Variants in CDH13 observed in about 807,000 individuals in gnomAD.
CDH13 encodes the protein cadherin 13, also known as cadherin-13.
In CDH13, 24 loss-of-function variants were observed where a neutral mutation model predicts 63.8. The observed-to-expected ratio is 0.38, with a 90% CI of 0.27 to 0.53. The LOEUF (loss-of-function observed/expected upper bound fraction) is 0.53, where lower values mean the gene tolerates loss of function less well. CDH13 is among the 20% of genes least tolerant of loss of function. The pLI is 0.85. For synonymous variants in CDH13, 503 were observed against 355.3 expected (o/e 1.42, Z -4.67); for missense variants, 1,049 against 903.1 (o/e 1.16, Z -2.07).
intron 1 of CDH13, among the ~76,000 whole-genome samples, chr16:82,752,871 C>T (rs1473359139): frequency 6.6e-6 from 1 of 152,246 alleles, no homozygotes; most frequent in Middle Eastern, 3.4e-3. Context: ...GATGTGCAGC[C>T]GCACCCCATT....
chr16:82,716,250 C>A (rs117193763), intron 1 of CDH13, among the ~76,000 whole-genome samples: 1 of 152,048 alleles, frequency 6.6e-6, no homozygotes, highest in African/African-American at 2.4e-5. Flanking sequence ...TTTTCGGGAC[C>A]TTGGAGGACC....
chr16:83,712,107 A>C (rs1435099802), intron 10 of CDH13, among the ~76,000 whole-genome samples: 1 of 152,164 alleles, frequency 6.6e-6, no homozygotes, highest in African/African-American at 2.4e-5. Flanking sequence ...AGGGCCCACT[A>C]TAGTGATCTC....
At chr16:82,777,983 A>T (rs1250443516) in intron 1 of CDH13, among the ~76,000 whole-genome samples, 2 of 152,222 alleles carry the variant, frequency 1.3e-5, no homozygotes, top group Admixed American at 6.5e-5. Flanking sequence ...ACAGTTTTTG[A>T]TAACAGTCAT....
intron 1 of CDH13, among the ~76,000 whole-genome samples, chr16:82,704,048 A>G (rs2031278222): frequency 6.6e-6 from 1 of 152,200 alleles, no homozygotes; most frequent in South Asian, 2.1e-4. Flanking sequence ...CCAAATAAAA[A>G]AACCCATGAC....
chr16:83,303,541 T>C (rs1275317023), intron 5 of CDH13, among the ~76,000 whole-genome samples: 1 of 152,182 alleles, frequency 6.6e-6, no homozygotes, highest in Non-Finnish European at 1.5e-5. Flanking sequence ...ATTTCCAGGC[T>C]CTTTGTCATA....
At chr16:83,670,166 T>A (rs1424824854) in intron 8 of CDH13, among the ~76,000 whole-genome samples, 1 of 152,142 alleles carries the variant, frequency 6.6e-6, no homozygotes, top group Non-Finnish European at 1.5e-5. Context: ...AGGATGGGAT[T>A]GGTTTTCTTC....
chr16:83,291,305 A>C (rs1567568545), intron 5 of CDH13, among the ~76,000 whole-genome samples: 1 of 152,112 alleles, frequency 6.6e-6, no homozygotes, highest in East Asian at 1.9e-4. Flanking sequence ...AGGGGGTTCT[A>C]CTTCTTCATC....
intron 6 of CDH13, chr16:83,383,336 C>T (rs1054628842): frequency 1.3e-5 from 2 of 152,144 alleles, no homozygotes; most frequent in Non-Finnish European, 2.9e-5. Context: ...AGGTTTCCCC[C>T]CAAAAAAGTC....
chr16:83,720,769 A>G (rs1909587625), intron 10 of CDH13, among the ~76,000 whole-genome samples: 1 of 152,222 alleles, frequency 6.6e-6, no homozygotes, highest in Non-Finnish European at 1.5e-5. Context: ...AAATTGATGC[A>G]ATCCCAAACC....
At chr16:82,830,695 A>G (rs1225210295) in intron 1 of CDH13, among the ~76,000 whole-genome samples, 1 of 152,222 alleles carries the variant, frequency 6.6e-6, no homozygotes, top group Non-Finnish European at 1.5e-5. Flanking sequence ...TGTTTCTTCT[A>G]GCGCTTCATA....
chr16:83,520,419 C>T (rs369261159), intron 7 of CDH13, among the ~76,000 whole-genome samples: 1 of 152,138 alleles, frequency 6.6e-6, no homozygotes, highest in Non-Finnish European at 1.5e-5. Flanking sequence ...GGAATGTTCT[C>T]TCAGTCTGGG....
At chr16:83,184,164 G>A (rs1295148786) in intron 4 of CDH13, among the ~76,000 whole-genome samples, 16 of 137,498 alleles carry the variant, frequency 1.2e-4, no homozygotes, top group African/African-American at 3.5e-4. Flanking sequence ...AAAAAAGTCA[G>A]AACAATGAAT....
At chr16:82,628,675 C>G (rs1445096963) in intron 1 of CDH13, among the ~76,000 whole-genome samples, 1 of 152,108 alleles carries the variant, frequency 6.6e-6, no homozygotes, top group Non-Finnish European at 1.5e-5. Context: ...GTCCCTACAG[C>G]CTTGAGTCTT....
chr16:83,772,112 A>G (rs978621613), intron 11 of CDH13, among the ~76,000 whole-genome samples: 1 of 152,236 alleles, frequency 6.6e-6, no homozygotes, highest in African/African-American at 2.4e-5. Context: ...CTTAAATGAG[A>G]TGCCTATTAA....
intron 4 of CDH13, among the ~76,000 whole-genome samples, chr16:83,147,210 A>G (rs542752861): frequency 3.5e-4 from 54 of 152,278 alleles, no homozygotes; most frequent in African/African-American, 1.3e-3. Flanking sequence ...GACATCACCA[A>G]CTGTAGTCAA....
intron 1 of CDH13, among the ~76,000 whole-genome samples, chr16:82,835,686 C>T (rs1033782178): frequency 6.6e-6 from 1 of 152,178 alleles, no homozygotes; most frequent in Non-Finnish European, 1.5e-5. Flanking sequence ...GGCCTCCCTG[C>T]TCCTGTTCTC....
At chr16:83,314,661 A>G (rs1381607538) in intron 5 of CDH13, among the ~76,000 whole-genome samples, 1 of 152,196 alleles carries the variant, frequency 6.6e-6, no homozygotes, top group Non-Finnish European at 1.5e-5. Context: ...ACACAAGAAA[A>G]GAAAATGGCG....
At position 82,858,455 on chromosome 16, in the gene CDH13, G is replaced by T. The variant is rs780561395; in HGVS notation, c.139G>T (p.Asp47Tyr). The T allele has an allele frequency of 1.9e-6, 3 of 1,608,250 alleles. No individual in the cohort carries two copies. The highest frequency in any genetic ancestry group is 2.2e-5 in the East Asian group (1 of 44,854). Reference protein sequence around the residue: ...HINQPAEFIEDQSILNLTFSD... With the variant: ...HINQPAEFIEYQSILNLTFSD... ...CAATCAGCCAGCTGAATTCATTGAG[G>T]ACCAGTCAATTCTAAACTGTAAGCA... Residue 47 changes from aspartate (D) to tyrosine (Y), a missense_variant, in exon 2 of 14, where the codon GAC becomes TAC. Coordinates refer to ENST00000567109, the MANE Select transcript of CDH13 (RefSeq NM_001257.5).
chr16:83,403,672 G>A (rs913398171), intron 6 of CDH13, among the ~76,000 whole-genome samples: 1 of 152,002 alleles, frequency 6.6e-6, no homozygotes, highest in African/African-American at 2.4e-5. Flanking sequence ...ACCTTTGGGG[G>A]AGTGAGCAGT....
Sources: gnomAD v4.1 joint callset for allele counts (sites outside exome capture counted in the v4.1 genomes callset) on GRCh38, gnomAD v4.1.1 for gene constraint, MANE v1.5 for transcripts, NCBI Gene and HGNC (gene_info 2026-07-23, HGNC 2026-07-21) for gene names.